The following TENM1 variants were observed in gnomAD, a reference collection of about 807,000 sequenced individuals.
The protein encoded by TENM1 is teneurin-1.
Under a neutral mutation model 174.8 loss-of-function variants are expected in TENM1, and 35 were observed. The observed-to-expected ratio is 0.20, with a 90% CI of 0.15 to 0.27. TENM1 has a LOEUF of 0.27. TENM1 is among the 10% of genes least tolerant of loss of function. The probability of loss-of-function intolerance (pLI) is 1.00; values close to 1 mark genes in which losing one functional copy is unlikely to be tolerated. For synonymous variants in TENM1, 781 were observed against 798.7 expected, an observed-to-expected ratio of 0.98 and a Z score of 0.37; for missense variants, 1,633 against 2,130.1, an observed-to-expected ratio of 0.77 and a Z score of 4.59.
chrX:124,886,323 A>G (rs935163516), intron 3 of TENM1, among the ~76,000 whole-genome samples: 3 of 109,966 alleles, frequency 2.7e-5, no homozygotes, highest in Non-Finnish European at 3.8e-5. Context: ...CGTTATTTGT[A>G]CTGTATTTAA....
intron 3 of TENM1, among the ~76,000 whole-genome samples, chrX:124,841,392 G>A (rs962378408): frequency 3.2e-4 from 36 of 111,615 alleles, no homozygotes; most frequent in African/African-American, 1.1e-3. Flanking sequence ...GTAAATGAAA[G>A]CAAGGACTCC....
Position 124,546,866 on chromosome X carries a change from A to G in TENM1, c.2651+8T>C, listed in dbSNP as rs367894299. On this transcript the variant is annotated splice_region_variant and intron_variant, in intron 15 of 31. Coordinates refer to ENST00000422452, the Ensembl canonical transcript of TENM1. Reference sequence around the variant, plus strand: ...GTTCACTAAGGAATAAAATAAATACATATGTACCTGCTGTCAAATGACACC... The same window carrying G: ...GTTCACTAAGGAATAAAATAAATACGTATGTACCTGCTGTCAAATGACACC... The G allele has an allele frequency of 4.3e-6, 5 of 1,175,886 alleles. No homozygotes were observed. In the African/African-American group the frequency reaches 5.2e-5, roughly 12 times the overall value.
intron 15 of TENM1, among the ~76,000 whole-genome samples, chrX:124,542,276 A>C (rs1449779975): frequency 8.9e-6 from 1 of 112,691 alleles, no homozygotes; most frequent in Non-Finnish European, 1.9e-5. Context: ...GAAGAGAACA[A>C]ATCGGACTTG....
chrX:124,994,368 A>G, the TENM1 span, among the ~76,000 whole-genome samples: 1 of 109,217 alleles, frequency 9.2e-6, no homozygotes, highest in Middle Eastern at 4.7e-3. Context: ...CCACAAAACT[A>G]AAAATACTAT....
the TENM1 span, among the ~76,000 whole-genome samples, chrX:125,130,407 A>T: frequency 9.0e-6 from 1 of 111,207 alleles, no homozygotes; most frequent in African/African-American, 3.3e-5. Flanking sequence ...GTTATCAATG[A>T]CAAGGTTCAT....
chrX:124,776,872 A>G (rs1423097003), intron 3 of TENM1, among the ~76,000 whole-genome samples: 1 of 111,456 alleles, frequency 9.0e-6, no homozygotes, highest in Non-Finnish European at 1.9e-5. Context: ...GGAGACAGAC[A>G]TAAAGAAGAG....
At chrX:124,592,749 CCTTA>C (rs760463437) in intron 11 of TENM1, among the ~76,000 whole-genome samples, 57 of 102,351 alleles carry the variant, frequency 5.6e-4, no homozygotes, top group Admixed American at 1.0e-3. Context: ...CATGCCCAGG[CCTTA>C]CTGTTTTTTT....
the TENM1 span, among the ~76,000 whole-genome samples, chrX:124,988,842 T>G: frequency 9.0e-6 from 1 of 111,359 alleles, no homozygotes; most frequent in Admixed American, 9.6e-5. Flanking sequence ...TTGACAAAAT[T>G]TAACACCCAT....
At chrX:124,736,071 G>A (rs904650543) in intron 4 of TENM1, among the ~76,000 whole-genome samples, 1 of 111,005 alleles carries the variant, frequency 9.0e-6, no homozygotes, top group Middle Eastern at 4.6e-3. Context: ...ATGTATCCCC[G>A]AATCTATAAA....
chrX:124,697,822 C>T (rs1376699717), intron 5 of TENM1, among the ~76,000 whole-genome samples: 6 of 110,972 alleles, frequency 5.4e-5, no homozygotes, highest in African/African-American at 9.8e-5. Context: ...TTTGGCTTAA[C>T]GAAAAACAGG....
the TENM1 span, among the ~76,000 whole-genome samples, chrX:125,171,189 T>A: frequency 9.1e-6 from 1 of 109,600 alleles, no homozygotes; most frequent in Admixed American, 9.8e-5. Context: ...CACCACAGAG[T>A]CTATCACAAT....
intron 5 of TENM1, among the ~76,000 whole-genome samples, chrX:124,684,942 C>G (rs2052323668): frequency 1.8e-5 from 2 of 111,006 alleles, no homozygotes; most frequent in South Asian, 7.7e-4. Context: ...ATGCACCAGG[C>G]TTACCAGCCC....
intron 1 of TENM1, among the ~76,000 whole-genome samples, chrX:124,961,184 A>G (rs1026178489): frequency 3.6e-5 from 4 of 112,320 alleles, no homozygotes; most frequent in African/African-American, 1.3e-4. Context: ...ATAGTTTTCA[A>G]TGCATGATAA....
At position 124,641,658 on chromosome X, in the gene TENM1, A is replaced by T. The variant is rs763003207; in HGVS notation, c.2077+133T>A. 1.4e-5 allele frequency: 8 copies of T among 560,244 alleles called. No individual in the cohort carries two copies. In the South Asian group the frequency reaches 2.3e-4, roughly 16 times the overall value. The allele number at this position is 560,244 out of a possible 1,213,427, so 46.2% of individuals were successfully genotyped here. ...TAAATAAAAATGCAGTAAAATACTA[A>T]CCTAGGACATACCTGGAAACCTCTT... On this transcript the variant is annotated intron_variant, in intron 11 of 31. Coordinates refer to ENST00000422452, the Ensembl canonical transcript of TENM1.
At chrX:124,618,663 C>G (rs191021674) in intron 11 of TENM1, among the ~76,000 whole-genome samples, 1 of 112,162 alleles carries the variant, frequency 8.9e-6, no homozygotes, top group Non-Finnish European at 1.9e-5. Context: ...TCTGGCCACT[C>G]TTTTTCCTTG....
chrX:124,918,480 G>A (rs1399465263), intron 1 of TENM1, among the ~76,000 whole-genome samples: 1 of 108,860 alleles, frequency 9.2e-6, no homozygotes, highest in Non-Finnish European at 1.9e-5. Flanking sequence ...GCGCCCAGCC[G>A]AGGCTGAAAA....
chrX:124,864,995 T>C (rs2056976620), intron 3 of TENM1, among the ~76,000 whole-genome samples: 1 of 111,462 alleles, frequency 9.0e-6, no homozygotes, highest in Non-Finnish European at 1.9e-5. Flanking sequence ...AAGTTTACCA[T>C]AGAATAGTAT....
At chrX:124,521,465 T>C (rs145208235) in intron 17 of TENM1, among the ~76,000 whole-genome samples, 188 of 112,426 alleles carry the variant, frequency 1.7e-3, no homozygotes, top group African/African-American at 5.5e-3. Context: ...AAGTTGGCAC[T>C]TGTGACTGAG....
chrX:124,859,311 G>A (rs1385908042), intron 3 of TENM1, among the ~76,000 whole-genome samples: 4 of 110,313 alleles, frequency 3.6e-5, no homozygotes, highest in African/African-American at 9.9e-5. Context: ...TTGGGAGGCC[G>A]AGGCAGGTGG....
Sources: allele counts gnomAD v4.1 joint callset (sites outside exome capture counted in the v4.1 genomes callset), GRCh38; gene constraint gnomAD v4.1.1; transcripts MANE v1.5; gene names NCBI Gene and HGNC (gene_info 2026-07-23, HGNC 2026-07-21).